The following PRELID1 variants were observed in gnomAD, a reference collection of about 807,000 sequenced individuals.
PRELID1 encodes PRELI domain containing 1.
Under a neutral mutation model 29.0 loss-of-function variants are expected in PRELID1, and 15 were observed. The ratio of observed to expected loss-of-function variants is 0.52; its 90% CI spans 0.35 to 0.80. The LOEUF is 0.80. Ranked by LOEUF, PRELID1 falls within the 30% of genes least tolerant of loss-of-function variation. PRELID1 has a pLI of 0.01. For synonymous variants in PRELID1, 79 were observed against 106.5 expected (o/e 0.74, Z 1.59); for missense variants, 187 against 275.9 (o/e 0.68, Z 2.28).
rs1313885499 is a variant in PRELID1, at chr5:177,304,992, C to T, written c.318+142C>T. The T allele has an allele frequency of 3.0e-5, 23 of 758,714 alleles. No individual in the cohort carries two copies. In the Admixed American group the frequency reaches 5.0e-4, roughly 16 times the overall value. 47.0% of individuals were successfully genotyped at this position (758,714 alleles called of 1,614,324 possible). ...GGTCTGGGTTACTGAGGGTTGACAG[C>T]TGTAGAGTATGACCTCAGGTTTTCT... On this transcript the variant is annotated intron_variant, in intron 2 of 4. Transcript: ENST00000303204.
At position 177,306,157 on chromosome 5, in the gene PRELID1, T is replaced by G. The variant is rs142286307; in HGVS notation, c.492T>G (p.Tyr164Ter). The change falls in exon 4 of 5, where the codon TAT (tyrosine) becomes TAG (stop). Residue 164 changes from tyrosine (Y) to a stop codon, truncating the protein, a stop_gained. Transcript: ENST00000303204. LOFTEE classifies it high-confidence loss of function. ...CCAAGACTATGAAGGGTTTTGAATATATCTTGGCTAAGCTGCAAGGTGAGT... is the reference window on the plus strand; with the variant it reads ...CCAAGACTATGAAGGGTTTTGAATAGATCTTGGCTAAGCTGCAAGGTGAGT... ...NVTKTMKGFE[Y>*]ILAKLQGEAP... is the part of the protein sequence containing the mutation. 6.2e-7 allele frequency: 1 copy of G among 1,613,748 alleles called. No homozygotes were observed. Among genetic ancestry groups the G allele is most frequent in the Non-Finnish European group, 8.5e-7 (1 of 1,179,742 alleles).
intron 4 of PRELID1, 89 bp from the exon 5 acceptor site, chr5:177,306,333 G>A: frequency 6.3e-7 from 1 of 1,595,046 alleles, no homozygotes; most frequent in South Asian, 1.1e-5. Flanking sequence ...AGTGGAGCCT[G>A]GCCCAGAGGA....
In PRELID1 at chr5:177,306,417, G is replaced by A. The variant is rs778084573; in HGVS notation, c.512-5G>A. ...CTAAAGGCAGCCACCTGCCGTTCGC[G>A]ACAGGCGAGGCCCCTTCCAAAACAC... On this transcript the variant is annotated splice_polypyrimidine_tract_variant and splice_region_variant and intron_variant, in intron 4 of 4. Coordinates refer to ENST00000303204, the MANE Select transcript of PRELID1 (RefSeq NM_013237.4). 36 of 1,613,796 alleles carry A rather than the reference G, an allele frequency of 2.2e-5. No homozygotes were observed. The highest frequency in any genetic ancestry group is 6.7e-5 in the Admixed American group (4 of 59,972).
At position 177,306,114 on chromosome 5, in the gene PRELID1, G is replaced by A. The variant is rs555396821; in HGVS notation, c.449G>A (p.Arg150Gln). 1.1e-5 allele frequency: 17 copies of A among 1,613,492 alleles called. No homozygotes were observed. Among genetic ancestry groups the A allele is most frequent in the South Asian group, 8.8e-5 (8 of 91,058 alleles). Reference sequence around the variant, plus strand: ...TCATGCCAGGAATTTGGTCTTGCCCGATTCAAAAGCAACGTGACCAAGACT... The same window carrying A: ...TCATGCCAGGAATTTGGTCTTGCCCAATTCAAAAGCAACGTGACCAAGACT... ...SRAVQEFGLA[R>Q]FKSNVTKTMK... The change falls in exon 4 of 5, where the codon CGA becomes CAA. Residue 150 changes from arginine (R) to glutamine (Q), a missense_variant. Coordinates refer to ENST00000303204, the MANE Select transcript of PRELID1 (RefSeq NM_013237.4).
At position 177,306,196 on chromosome 5, in the gene PRELID1, G is replaced by A. The variant is rs755870604; in HGVS notation, c.511+20G>A. Reference sequence around the variant, plus strand: ...TGCAAGGTGAGTTTCTGGGTATGTGGATATTCCTCATAGGGAGAGGCTCAT... The same window carrying A: ...TGCAAGGTGAGTTTCTGGGTATGTGAATATTCCTCATAGGGAGAGGCTCAT... On this transcript the variant is annotated intron_variant, in intron 4 of 4. Transcript: ENST00000303204. 6.2e-7 allele frequency: 1 copy of A among 1,605,378 alleles called. No homozygotes were observed. Among genetic ancestry groups the A allele is most frequent in the Non-Finnish European group, 8.5e-7 (1 of 1,172,082 alleles).
chr5:177,304,170 C>A lies in PRELID1; in HGVS notation c.92+93C>A, dbSNP rs1760793461. 28 of 1,219,114 alleles carry A rather than the reference C, an allele frequency of 2.3e-5. 1 individual carries two copies. The South Asian group carries it at 3.4e-4, about 15-fold the overall frequency. The allele number at this position is 1,219,114 out of a possible 1,614,324, so 75.5% of individuals were successfully genotyped here. A position where few individuals can be genotyped will look rare whatever the true frequency, so the allele number is the denominator to read the frequency against. ...CCAAGTACTGGGACCAGGAAGGACT[C>A]GATATCGAATCCTAGGTAGACCTTA... On this transcript the variant is annotated intron_variant, in intron 1 of 4. Transcript: ENST00000303204.
chr5:177,306,855 G>A lies in PRELID1; in HGVS notation c.*285G>A. 1.4e-6 allele frequency: 1 copy of A among 724,132 alleles called. No individual in the cohort carries two copies. The highest frequency in any genetic ancestry group is 3.0e-5 in the Admixed American group (1 of 33,708). 44.9% of individuals were successfully genotyped at this position (724,132 alleles called of 1,614,324 possible). ...GTTAACTGGCGGTAAGTGCTAGACT[G>A]TAAGCCCGACAAGGGCAGGGCTTTT... On this transcript the variant is annotated 3_prime_UTR_variant, in exon 5 of 5. Coordinates refer to ENST00000303204, the MANE Select transcript of PRELID1 (RefSeq NM_013237.4).
intron 1 of PRELID1, 52 bp downstream of exon 1, chr5:177,304,129 G>A (rs1243858387): frequency 6.6e-7 from 1 of 1,505,786 alleles, no homozygotes; most frequent in South Asian, 1.1e-5. Flanking sequence ...TCTGGAGATC[G>A]AATTATGGGT....
Position 177,304,046 on chromosome 5 carries a change from G to A in PRELID1, c.61G>A (p.Ala21Thr). 6.2e-7 allele frequency: 1 copy of A among 1,611,826 alleles called. No homozygotes were observed. Among genetic ancestry groups the A allele is most frequent in the Non-Finnish European group, 8.5e-7 (1 of 1,179,924 alleles). ...LRSSWDQVFA[A>T]FWQRYPNPYS... ...GAGTTCCTGGGACCAAGTGTTCGCC[G>A]CCTTCTGGCAGCGGTACCCGAATCC... Residue 21 changes from alanine to threonine, a missense_variant, in exon 1 of 5, where the codon GCC becomes ACC. Transcript: ENST00000303204.
At position 177,306,373 on chromosome 5, in the gene PRELID1, T is replaced by C. The variant is rs192300074; in HGVS notation, c.512-49T>C. 7.9e-5 allele frequency: 128 copies of C among 1,612,050 alleles called. No homozygotes were observed. In the African/African-American group the frequency reaches 1.4e-3, roughly 18 times the overall value. The stretch of plus-strand genomic sequence containing the variant: ...GGTGTCATGGGGGAGGGAAATTAGG[T>C]TGGTCTTTCAGGCATCTTCTAAAGG... On this transcript the variant is annotated intron_variant, in intron 4 of 4. Transcript: ENST00000303204.
In PRELID1 at chr5:177,305,426, C is replaced by T. The variant is rs190726503; in HGVS notation, c.319-445C>T. ...TTTACCATGTTGGCCAGGCTGGTCT[C>T]GAACTCCTAACCTCAAGTGATCCGC... On this transcript the variant is annotated intron_variant, in intron 2 of 4. Transcript: ENST00000303204. 1.8e-3 allele frequency: 365 copies of T among 200,568 alleles called. 1 individual carries two copies. The highest frequency in any genetic ancestry group is 2.5e-3 in the Non-Finnish European group (236 of 95,426). The allele number at this position is 200,568 out of a possible 1,614,324, so 12.4% of individuals were successfully genotyped here. A position where few individuals can be genotyped will look rare whatever the true frequency, so the allele number is the denominator to read the frequency against.
chr5:177,304,886 CT>C (rs1561591922), intron 2 of PRELID1, 36 bp downstream of exon 2: 1 of 1,513,712 alleles, frequency 6.6e-7, no homozygotes, highest in South Asian at 1.2e-5. Context: ...GCACCTCCCC[CT>C]CTCCCCTCCC....
chr5:177,305,236 C>T (rs1441758658), intron 2 of PRELID1, among the ~76,000 whole-genome samples: 1 of 150,554 alleles, frequency 6.6e-6, no homozygotes, highest in African/African-American at 2.4e-5. Context: ...TTTCTGGTGA[C>T]AAGAGTCTCA....
Position 177,305,883 on chromosome 5 carries a change from C to T in PRELID1, c.331C>T (p.Arg111Ter), listed in dbSNP as rs1490425835. 2.5e-6 allele frequency: 4 copies of T among 1,613,700 alleles called. No homozygotes were observed. Among genetic ancestry groups the T allele is most frequent in the African/African-American group, 1.3e-5 (1 of 74,882 alleles). Reference protein sequence around the residue: ...NHARLMVVEERCVYCVNSDNS... With the variant: ...NHARLMVVEE ...GGCCTCTGCATAGGTGGTGGAGGAA[C>T]GATGTGTTTACTGTGTGAACTCTGA... The change falls in exon 3 of 5, where the codon CGA becomes TGA. Residue 111 changes from arginine to a stop codon, truncating the protein, a stop_gained. Transcript: ENST00000303204. LOFTEE classifies it high-confidence loss of function.
rs1202221722 is a variant in PRELID1, at chr5:177,303,946, C to G, written c.-40C>G. The G allele has an allele frequency of 5.1e-6, 8 of 1,581,548 alleles. No individual in the cohort carries two copies. In the East Asian group the frequency reaches 1.1e-4, roughly 22 times the overall value. On this transcript the variant is annotated 5_prime_UTR_variant, in exon 1 of 5. Transcript: ENST00000303204. This position sits in a 1 kb window ranked among gnomAD's most constrained non-coding sequence, Gnocchi z 6.1. ...CGCGTGCCTCCCAGGCTCCGCACCC[C>G]TGATGCTGCGCGGGTGCTGAGCCCG... is the stretch of plus-strand genomic sequence containing the variant.
chr5:177,305,594 C>A, intron 2 of PRELID1: 1 of 451,288 alleles, frequency 2.2e-6, no homozygotes, highest in East Asian at 4.3e-5. Flanking sequence ...ATGCACAAAA[C>A]AAAATCCAGG....
intron 1 of PRELID1, 97 bp downstream of exon 1, chr5:177,304,174 A>G: frequency 1.7e-6 from 2 of 1,177,586 alleles, no homozygotes; most frequent in Non-Finnish European, 2.4e-6. Flanking sequence ...AGGACTCGAT[A>G]TCGAATCCTA....
In PRELID1 at chr5:177,306,110, G is replaced by C; in HGVS notation, c.445G>C (p.Ala149Pro). 1 of 1,613,422 alleles carries C rather than the reference G, an allele frequency of 6.2e-7. No individual in the cohort carries two copies. The highest frequency in any genetic ancestry group is 1.7e-4 in the Middle Eastern group (1 of 6,060). Residue 149 changes from alanine to proline, a missense_variant, in exon 4 of 5, where the codon GCC becomes CCC. Transcript: ENST00000303204. Reference protein sequence around the residue: ...VSRAVQEFGLARFKSNVTKTM... With the variant: ...VSRAVQEFGLPRFKSNVTKTM... ...CATCTCATGCCAGGAATTTGGTCTT[G>C]CCCGATTCAAAAGCAACGTGACCAA...
chr5:177,305,818 G>T, intron 2 of PRELID1, 53 bp from the exon 3 acceptor site: 1 of 1,483,302 alleles, frequency 6.7e-7, no homozygotes, highest in Non-Finnish European at 9.4e-7. Flanking sequence ...AGATTTATGT[G>T]CAAGTTGGCA....
Sources: allele counts gnomAD v4.1 joint callset (sites outside exome capture counted in the v4.1 genomes callset), GRCh38; gene constraint gnomAD v4.1.1; non-coding constraint Gnocchi (gnomAD v3.1); transcripts MANE v1.5; gene names NCBI Gene and HGNC (gene_info 2026-07-23, HGNC 2026-07-21).